Variants in DLG2 observed in about 807,000 individuals in gnomAD.
DLG2 encodes the protein disks large homolog 2.
A neutral mutation model predicts 132.5 loss-of-function variants in DLG2; 45 were observed. The observed-to-expected ratio is 0.34, with a 90% confidence interval of 0.27 to 0.44. The LOEUF is 0.44. DLG2 is among the 20% of genes least tolerant of loss of function. DLG2 has a pLI of 1.00. For synonymous variants in DLG2, 424 were observed against 419.6 expected (o/e 1.01, Z -0.13); for missense variants, 1,045 against 1,196.9 (o/e 0.87, Z 1.87).
chr11:84,951,675 CACAT>C (rs2050945035), intron 6 of DLG2, among the ~76,000 whole-genome samples: 1 of 149,614 alleles, frequency 6.7e-6, no homozygotes. Flanking sequence ...TATATACACA[CACAT>C]ATATATGCAT....
intron 11 of DLG2, among the ~76,000 whole-genome samples, chr11:84,019,034 T>C (rs745429884): frequency 8.5e-5 from 13 of 152,164 alleles, no homozygotes; most frequent in Admixed American, 3.3e-4. Flanking sequence ...AGTGTTCTGG[T>C]AGCTGGCAAA....
intron 6 of DLG2, among the ~76,000 whole-genome samples, chr11:84,869,778 G>T (rs2085182075): frequency 6.6e-6 from 1 of 152,176 alleles, no homozygotes; most frequent in Non-Finnish European, 1.5e-5. Flanking sequence ...ACCACGCCTG[G>T]GTTGGTAGAG....
intron 18 of DLG2, among the ~76,000 whole-genome samples, chr11:83,744,241 C>T (rs1241683832): frequency 2.6e-5 from 4 of 152,160 alleles, no homozygotes; most frequent in African/African-American, 9.7e-5. Flanking sequence ...CCAGCAGCTG[C>T]CTCCTAATTC....
intron 5 of DLG2, among the ~76,000 whole-genome samples, chr11:85,134,106 G>A (rs2075960836): frequency 6.6e-6 from 1 of 151,944 alleles, no homozygotes; most frequent in Non-Finnish European, 1.5e-5. Context: ...AATAAAAATC[G>A]AAAATCAATG....
At chr11:84,802,977 T>A (rs1446257199) in intron 6 of DLG2, among the ~76,000 whole-genome samples, 3 of 152,030 alleles carry the variant, frequency 2.0e-5, no homozygotes, top group Admixed American at 2.0e-4. Context: ...TTTTTTGTAT[T>A]TTTGGTAGAG....
chr11:85,477,027 C>T (rs1180704058), intron 3 of DLG2, among the ~76,000 whole-genome samples: 1 of 152,086 alleles, frequency 6.6e-6, no homozygotes, highest in African/African-American at 2.4e-5. Flanking sequence ...AATACAATGA[C>T]AAGAGTAATG....
chr11:84,772,992 A>G (rs1229782924), intron 6 of DLG2, among the ~76,000 whole-genome samples: 1 of 152,162 alleles, frequency 6.6e-6, no homozygotes, highest in Admixed American at 6.5e-5. Flanking sequence ...AAGAATCAAC[A>G]AAACCAAAAC....
intron 6 of DLG2, among the ~76,000 whole-genome samples, chr11:85,013,181 C>A (rs899405950): frequency 4.6e-5 from 7 of 152,132 alleles, no homozygotes; most frequent in Non-Finnish European, 7.4e-5. Context: ...TTCCCTTGAA[C>A]CTTTTATAGC....
intron 6 of DLG2, among the ~76,000 whole-genome samples, chr11:84,969,452 C>T (rs2053769636): frequency 6.6e-6 from 1 of 152,152 alleles, no homozygotes; most frequent in African/African-American, 2.4e-5. Flanking sequence ...ATGAGGAATG[C>T]ATTATAAGCA....
At position 84,383,082 on chromosome 11, in the gene DLG2, C is replaced by G. The variant is rs755894750; in HGVS notation, c.520-131791G>C. Among the ~76,000 whole-genome samples, 6 of 151,804 alleles carry G rather than the reference C, an allele frequency of 4.0e-5. No homozygotes were observed. In the South Asian group the frequency reaches 1.0e-3, roughly 26 times the overall value. On this transcript the variant is annotated intron_variant, in intron 7 of 27. Coordinates refer to ENST00000376104, the MANE Select transcript of DLG2 (RefSeq NM_001142699.3). ...CTGCCTGGTATTCATCCATTTTTCC[C>G]TTGGCTTTTGGCATACTCCTTAATT...
intron 9 of DLG2, among the ~76,000 whole-genome samples, chr11:84,139,857 G>C (rs2094766305): frequency 6.6e-6 from 1 of 152,132 alleles, no homozygotes; most frequent in Non-Finnish European, 1.5e-5. Context: ...GGGCTAAAGA[G>C]TTCTCACTGG....
At chr11:83,701,531 C>A (rs1056306372) in intron 18 of DLG2, among the ~76,000 whole-genome samples, 3 of 152,118 alleles carry the variant, frequency 2.0e-5, no homozygotes, top group Non-Finnish European at 2.9e-5. Context: ...AGACATAGTC[C>A]TTGTACACAG....
At chr11:85,227,069 C>T (rs756066433) in intron 4 of DLG2, among the ~76,000 whole-genome samples, 31 of 152,180 alleles carry the variant, frequency 2.0e-4, no homozygotes, top group Admixed American at 2.6e-4. Context: ...CAAGTGAAAA[C>T]CATTCCCAAG....
chr11:83,853,668 G>C (rs2154032101), intron 16 of DLG2, among the ~76,000 whole-genome samples: 1 of 152,154 alleles, frequency 6.6e-6, no homozygotes, highest in East Asian at 1.9e-4. Context: ...TATCTAAAAA[G>C]TACCTAATAA....
At chr11:85,491,525 A>G (rs545550915) in intron 3 of DLG2, among the ~76,000 whole-genome samples, 1 of 152,170 alleles carries the variant, frequency 6.6e-6, no homozygotes, top group African/African-American at 2.4e-5. Flanking sequence ...CACTAACCAC[A>G]TCAAAAAAAA....
intron 21 of DLG2, among the ~76,000 whole-genome samples, chr11:83,507,648 T>C (rs1269460752): frequency 6.9e-6 from 1 of 145,444 alleles, no homozygotes; most frequent in Non-Finnish European, 1.5e-5. Flanking sequence ...GGGGATGTGG[T>C]GGGAATCACC....
intron 8 of DLG2, among the ~76,000 whole-genome samples, chr11:84,219,810 C>A (rs1439461766): frequency 6.6e-6 from 1 of 152,144 alleles, no homozygotes; most frequent in African/African-American, 2.4e-5. Context: ...TACGGTTGGG[C>A]TTCATTTGTA....
intron 7 of DLG2, among the ~76,000 whole-genome samples, chr11:84,436,216 A>C (rs2099000365): frequency 6.6e-6 from 1 of 152,200 alleles, no homozygotes; most frequent in African/African-American, 2.4e-5. Flanking sequence ...TTAAATAACA[A>C]GTCAGTTACG....
At chr11:85,342,693 C>A (rs573037853) in intron 3 of DLG2, among the ~76,000 whole-genome samples, 2 of 152,118 alleles carry the variant, frequency 1.3e-5, no homozygotes, top group African/African-American at 4.8e-5. Flanking sequence ...ACTGGCAGCA[C>A]GGTAGGTTTG....
Sources: gnomAD v4.1 joint callset for allele counts (sites outside exome capture counted in the v4.1 genomes callset) on GRCh38, gnomAD v4.1.1 for gene constraint, MANE v1.5 for transcripts, NCBI Gene and HGNC (gene_info 2026-07-23, HGNC 2026-07-21) for gene names.